The following RPS6KA5 variants were observed in gnomAD, a reference collection of about 807,000 sequenced individuals.
The protein encoded by RPS6KA5 is ribosomal protein S6 kinase alpha-5.
In RPS6KA5, 27 loss-of-function variants were observed where a neutral mutation model predicts 85.5. The ratio of observed to expected loss-of-function variants is 0.32; its 90% CI spans 0.23 to 0.44. The LOEUF (loss-of-function observed/expected upper bound fraction) is 0.44, where lower values mean the gene tolerates loss of function less well. Ranked by LOEUF, RPS6KA5 falls within the 20% of genes least tolerant of loss-of-function variation. The pLI is 1.00. For missense variants in RPS6KA5, 811 were observed against 980.9 expected (o/e 0.83, Z 2.31); for synonymous variants, 334 against 348.2 (o/e 0.96, Z 0.46).
In RPS6KA5 at chr14:90,853,681, A is replaced by AAC. The variant is rs2032130509; in HGVS notation, c.*18392_*18393insGT. 1 of 151,298 alleles carries AAC rather than the reference A, an allele frequency of 6.6e-6. No homozygotes were observed. The allele number at this position is 151,298 out of a possible 1,614,324, so 9.4% of individuals were successfully genotyped here. ...TCTACTAAAAATACAAAAAAAAAAA[A>AAC]AAAAACCCTAAAATTTAACACTATG... On this transcript the variant is annotated 3_prime_UTR_variant, in exon 17 of 17. Transcript: ENST00000614987.
At chr14:90,953,821 T>C (rs1047363158) in intron 3 of RPS6KA5, among the ~76,000 whole-genome samples, 2 of 152,206 alleles carry the variant, frequency 1.3e-5, no homozygotes, top group African/African-American at 4.8e-5. Context: ...GTCAGACCGG[T>C]TCTCTGCTCT....
At chr14:91,056,387 A>G (rs955931368) in intron 1 of RPS6KA5, among the ~76,000 whole-genome samples, 5 of 152,160 alleles carry the variant, frequency 3.3e-5, no homozygotes, top group African/African-American at 1.2e-4. Flanking sequence ...AGGCCAAAAA[A>G]GTCCTTCCCT....
At chr14:90,948,116 AT>A (rs2037968868) in intron 3 of RPS6KA5, among the ~76,000 whole-genome samples, 2 of 152,230 alleles carry the variant, frequency 1.3e-5, no homozygotes, top group Admixed American at 1.3e-4. Context: ...GAAGATTACC[AT>A]TTCCCTGTCA....
chr14:91,007,813 A>G (rs192764221), intron 1 of RPS6KA5, among the ~76,000 whole-genome samples: 1 of 152,178 alleles, frequency 6.6e-6, no homozygotes, highest in African/African-American at 2.4e-5. Flanking sequence ...CTTTTCCTTC[A>G]GATTTAAATA....
At chr14:90,880,211 A>G (rs2140157951) in intron 14 of RPS6KA5, among the ~76,000 whole-genome samples, 1 of 152,322 alleles carries the variant, frequency 6.6e-6, no homozygotes, top group South Asian at 2.1e-4. Flanking sequence ...TGCAACCATC[A>G]TCACCATCCA....
intron 3 of RPS6KA5, among the ~76,000 whole-genome samples, chr14:90,971,446 C>T (rs2039318727): frequency 6.6e-6 from 1 of 152,126 alleles, no homozygotes; most frequent in South Asian, 2.1e-4. Flanking sequence ...GTCCTGATGC[C>T]TGATTTACAA....
intron 5 of RPS6KA5, among the ~76,000 whole-genome samples, chr14:90,929,903 C>G (rs1420360084): frequency 6.6e-6 from 1 of 152,022 alleles, no homozygotes; most frequent in Non-Finnish European, 1.5e-5. Flanking sequence ...TAAAGTCTTG[C>G]TCTGTTGTCT....
chr14:90,886,589 A>G (rs1394142291), intron 14 of RPS6KA5, among the ~76,000 whole-genome samples: 3 of 152,184 alleles, frequency 2.0e-5, no homozygotes, highest in African/African-American at 7.2e-5. Flanking sequence ...AGACCAAGGA[A>G]AGGCTGTGTG....
At chr14:91,048,981 T>C (rs976361114) in intron 1 of RPS6KA5, among the ~76,000 whole-genome samples, 2 of 152,244 alleles carry the variant, frequency 1.3e-5, no homozygotes, top group Admixed American at 1.3e-4. Flanking sequence ...AATATTTCCT[T>C]GCTTTGGAGC....
intron 5 of RPS6KA5, among the ~76,000 whole-genome samples, chr14:90,939,363 G>A (rs2037448633): frequency 6.6e-6 from 1 of 152,158 alleles, no homozygotes; most frequent in African/African-American, 2.4e-5. Context: ...CTTCTTCTGA[G>A]CCCTCCAAAC....
intron 3 of RPS6KA5, among the ~76,000 whole-genome samples, chr14:90,950,416 C>G (rs945808144): frequency 5.3e-5 from 8 of 152,174 alleles, no homozygotes; most frequent in African/African-American, 1.9e-4. Context: ...TGTTCCTTTT[C>G]TTGCCTACAA....
At position 90,889,032 on chromosome 14, in the gene RPS6KA5, G is replaced by A. The variant is rs572055128; in HGVS notation, c.1836+1455C>T. Among the ~76,000 whole-genome samples the A allele has an allele frequency of 2.3e-3, 344 of 152,102 alleles. 3 individuals are homozygous for A. Among genetic ancestry groups the A allele is most frequent in the Non-Finnish European group, 3.1e-3 (214 of 68,006 alleles). Reference sequence around the variant, plus strand: ...AAAGAGGCTGGGCACAGTGGCTCTCGCCTGTAATCCCAGCACTTTGGGAGG... The same window carrying A: ...AAAGAGGCTGGGCACAGTGGCTCTCACCTGTAATCCCAGCACTTTGGGAGG... On this transcript the variant is annotated intron_variant, in intron 14 of 16. Transcript: ENST00000614987.
intron 1 of RPS6KA5, among the ~76,000 whole-genome samples, chr14:91,045,712 T>G (rs997355320): frequency 6.6e-6 from 1 of 152,220 alleles, no homozygotes; most frequent in Non-Finnish European, 1.5e-5. Flanking sequence ...ATACCCACTC[T>G]CCTCACAGAA....
chr14:91,030,612 A>G (rs949935996), intron 1 of RPS6KA5, among the ~76,000 whole-genome samples: 6 of 21,286 alleles, frequency 2.8e-4, no homozygotes, highest in African/African-American at 8.6e-4. Context: ...AAATAAACAG[A>G]AAAAAAAAAA....
At chr14:90,955,122 T>C (rs1166168667) in intron 3 of RPS6KA5, among the ~76,000 whole-genome samples, 1 of 152,210 alleles carries the variant, frequency 6.6e-6, no homozygotes, top group African/African-American at 2.4e-5. Flanking sequence ...TCCTTTCTGG[T>C]TGCTTTTGGT....
At position 90,872,216 on chromosome 14, in the gene RPS6KA5, C is replaced by T. The variant is rs375975906; in HGVS notation, c.2267G>A (p.Arg756His). The T allele has an allele frequency of 7.4e-6, 12 of 1,613,752 alleles. No individual in the cohort carries two copies. Among genetic ancestry groups the T allele is most frequent in the South Asian group, 2.2e-5 (2 of 91,024 alleles). ...ATGGGAACTCTCACTGGAACTGCTG[C>T]GCGTCTCGGTACTGGTGCTAGTCTT... ...MKKTSTSTET[R>H]SSSSESSHSS... is the part of the protein sequence containing the mutation. Residue 756 changes from arginine to histidine, a missense_variant, in exon 17 of 17, where the codon CGC (arginine) becomes CAC (histidine). By Grantham distance (29) the Arg-to-His change is conservative (BLOSUM62 0). Around this residue, in one of 3 missense-constraint regions of RPS6KA5, gnomAD observed 650 missense variants for 793.4 expected, o/e 0.82. Coordinates refer to ENST00000614987, the MANE Select transcript of RPS6KA5 (RefSeq NM_004755.4).
chr14:91,045,322 C>T (rs780990794), intron 1 of RPS6KA5, among the ~76,000 whole-genome samples: 1 of 146,368 alleles, frequency 6.8e-6, no homozygotes, highest in African/African-American at 2.5e-5. Flanking sequence ...GTGCAATCAA[C>T]GGCGTGATCT....
At chr14:91,044,037 G>A (rs1299638197) in intron 1 of RPS6KA5, among the ~76,000 whole-genome samples, 1 of 151,978 alleles carries the variant, frequency 6.6e-6, no homozygotes, top group East Asian at 1.9e-4. Flanking sequence ...GATCAGCCTG[G>A]CCAATATGGT....
At chr14:90,950,385 C>T (rs922373737) in intron 3 of RPS6KA5, among the ~76,000 whole-genome samples, 17 of 152,004 alleles carry the variant, frequency 1.1e-4, no homozygotes, top group African/African-American at 3.9e-4. Context: ...TTTCTTCTTC[C>T]TTTCCAATCT....
Sources: gnomAD v4.1 joint callset for allele counts (sites outside exome capture counted in the v4.1 genomes callset) on GRCh38, gnomAD v4.1.1 for gene constraint, gnomAD v4.1.1 regional missense constraint, MANE v1.5 for transcripts, NCBI Gene and HGNC (gene_info 2026-07-23, HGNC 2026-07-21) for gene names.